Variants in NRAP observed in about 807,000 individuals in gnomAD.
NRAP encodes the protein nebulin related anchoring protein, also known as nebulin-related-anchoring protein.
NRAP carries 189 observed loss-of-function variants against 225.9 expected under a neutral mutation model. That is an observed-to-expected ratio of 0.84 (90% CI 0.74 to 0.94). The LOEUF is 0.94. Among genes scored for constraint, NRAP ranks in the 40% least tolerant of loss-of-function variants. NRAP has a pLI of 0.00. For missense variants in NRAP, 2,176 were observed against 2,168.7 expected (o/e 1.00, Z -0.07); for synonymous variants, 769 against 790.7 (o/e 0.97, Z 0.46).
rs375334443 is a variant in NRAP at position 113,595,894 on chromosome 10, G to A, written c.4432-167C>T. 1.4e-4 allele frequency among the ~76,000 whole-genome samples: 21 copies of A among 152,268 alleles called. No individual in the cohort carries two copies. The East Asian group carries it at 1.5e-3, about 11-fold the overall frequency. On this transcript the variant is annotated intron_variant, in intron 37 of 41. Transcript: ENST00000359988. ...TCCCTCCAGAACCCACAATTTGATGGAAGATGCCTTTATAGCCAGGGTCAG... is the reference window on the plus strand; with the variant it reads ...TCCCTCCAGAACCCACAATTTGATGAAAGATGCCTTTATAGCCAGGGTCAG...
At chr10:113,610,337 G>C in intron 31 of NRAP, 122 bp downstream of exon 31, 2 of 551,452 alleles carry the variant, frequency 3.6e-6, no homozygotes, top group Admixed American at 3.1e-5. Flanking sequence ...GTGACAGAGC[G>C]AGACTCCATC....
intron 9 of NRAP, among the ~76,000 whole-genome samples, chr10:113,648,586 G>T (rs941091644): frequency 2.0e-5 from 3 of 151,572 alleles, no homozygotes; most frequent in African/African-American, 7.3e-5. Context: ...AAAGAAGAAT[G>T]AATTGGTTGG....
At chr10:113,590,433 T>C in intron 40 of NRAP, 145 bp downstream of exon 40, 1 of 722,168 alleles carries the variant, frequency 1.4e-6, no homozygotes, top group East Asian at 2.7e-5. Context: ...ATTGTTATTC[T>C]TTCTGGCACT....
At chr10:113,650,630 C>G (rs1284588083) in intron 7 of NRAP, 85 bp from the exon 8 acceptor site, 1 of 889,108 alleles carries the variant, frequency 1.1e-6, no homozygotes. Flanking sequence ...TCCATGACAT[C>G]CTGCCCATCT....
chr10:113,642,487 C>T (rs1002322153), intron 12 of NRAP, among the ~76,000 whole-genome samples: 2 of 152,044 alleles, frequency 1.3e-5, no homozygotes, highest in Admixed American at 6.6e-5. Context: ...TCCAAATTTG[C>T]GAATGCCCCT....
At chr10:113,598,139 G>T in intron 35 of NRAP, 66 bp from the exon 36 acceptor site, 1 of 948,446 alleles carries the variant, frequency 1.1e-6, no homozygotes, top group Non-Finnish European at 1.7e-6. Context: ...ATTTCAAGAA[G>T]ATCCTTGATT....
At chr10:113,645,251 T>C (rs1385153236) in intron 11 of NRAP, among the ~76,000 whole-genome samples, 1 of 152,198 alleles carries the variant, frequency 6.6e-6, no homozygotes, top group Admixed American at 6.5e-5. Flanking sequence ...GCCTGGCACT[T>C]TTGAATATTG....
intron 30 of NRAP, among the ~76,000 whole-genome samples, chr10:113,611,066 ATG>A (rs1163030088): frequency 6.6e-6 from 1 of 152,178 alleles, no homozygotes; most frequent in African/African-American, 2.4e-5. Context: ...GTGTACCTGA[ATG>A]ATTCGGGCTG....
chr10:113,620,890 T>G (rs1356565631), intron 24 of NRAP, among the ~76,000 whole-genome samples, 182 bp from the exon 25 acceptor site: 1 of 152,176 alleles, frequency 6.6e-6, no homozygotes, highest in African/African-American at 2.4e-5. Flanking sequence ...AATTCCCCCT[T>G]TAATTGGAGC....
intron 11 of NRAP, among the ~76,000 whole-genome samples, chr10:113,643,716 C>T (rs532294782): frequency 6.6e-6 from 1 of 152,274 alleles, no homozygotes; most frequent in East Asian, 1.9e-4. Flanking sequence ...GGCCAACTAC[C>T]ACCAATAGAT....
chr10:113,641,304 G>T, intron 13 of NRAP, 61 bp downstream of exon 13: 7 of 970,760 alleles, frequency 7.2e-6, no homozygotes, highest in Non-Finnish European at 1.1e-5. Context: ...AAAAGAATTG[G>T]CTGAATTCTT....
At chr10:113,617,657 C>T in intron 25 of NRAP, 104 bp from the exon 26 acceptor site, 2 of 748,332 alleles carry the variant, frequency 2.7e-6, no homozygotes, top group South Asian at 1.5e-5. Flanking sequence ...AATTTGTGAA[C>T]ACAATTATTA....
chr10:113,643,534 G>T (rs138270628), intron 11 of NRAP, among the ~76,000 whole-genome samples: 70 of 152,284 alleles, frequency 4.6e-4, no homozygotes, highest in African/African-American at 1.6e-3. Context: ...ATTCAACGAG[G>T]AAAGTTACTT....
Position 113,640,321 on chromosome 10 carries a change from T to G in NRAP, c.1334A>C (p.Lys445Thr). The change falls in exon 14 of 42, where the codon AAA (lysine) becomes ACA (threonine). Residue 445 changes from lysine to threonine, a missense_variant. Around this residue, in one of 3 missense-constraint regions of NRAP, gnomAD observed 1,708 missense variants for 1,695.5 expected, o/e 1.01. Transcript: ENST00000359988. ...GACAATATCATGTTTATAATCAGCT[T>G]TGTAGGCAACCTAAAACAGGAAGAA... Reference protein sequence around the residue: ...VGSLASNVAYKADYKHDIVDY... With the variant: ...VGSLASNVAYTADYKHDIVDY... The G allele has an allele frequency of 6.4e-7, 1 of 1,573,758 alleles. No individual in the cohort carries two copies. Among genetic ancestry groups the G allele is most frequent in the Non-Finnish European group, 8.6e-7 (1 of 1,157,194 alleles).
At chr10:113,606,916 C>G (rs1261160728) in intron 32 of NRAP, among the ~76,000 whole-genome samples, 1 of 151,790 alleles carries the variant, frequency 6.6e-6, no homozygotes, top group South Asian at 2.1e-4. Flanking sequence ...AAATACAAAA[C>G]TTAGGGCCAG....
intron 38 of NRAP, among the ~76,000 whole-genome samples, chr10:113,594,908 A>G (rs887032818): frequency 2.0e-5 from 3 of 152,228 alleles, no homozygotes; most frequent in African/African-American, 7.2e-5. Context: ...ACGCTGCCCC[A>G]GGCCAACACA....
At chr10:113,589,537 T>G in intron 41 of NRAP, 129 bp downstream of exon 41, 10 of 1,136,134 alleles carry the variant, frequency 8.8e-6, no homozygotes, top group South Asian at 1.5e-5. Context: ...GCGCCTTGTT[T>G]GAGCTGCGTT....
In NRAP at chr10:113,610,522, T is replaced by G; in HGVS notation, c.3540A>C (p.Ala1180=). Residue 1180 remains alanine, a synonymous_variant, in exon 31 of 42, where the codon GCA becomes GCC. Coordinates refer to ENST00000359988, the MANE Select transcript of NRAP (RefSeq NM_198060.4). ...TCTCTAACGTGCCTGGAATGACACATGCAACACCTCGCATAAAGTTCAGGT... is the reference window on the plus strand; with the variant it reads ...TCTCTAACGTGCCTGGAATGACACAGGCAACACCTCGCATAAAGTTCAGGT... ...RSDLNFMRGV[A]CVIPGTLEIE... 1 of 1,604,380 alleles carries G rather than the reference T, an allele frequency of 6.2e-7. No homozygotes were observed. The highest frequency in any genetic ancestry group is 1.1e-5 in the South Asian group (1 of 90,932).
intron 31 of NRAP, among the ~76,000 whole-genome samples, chr10:113,609,763 G>C (rs1847212542): frequency 6.6e-6 from 1 of 152,134 alleles, no homozygotes; most frequent in Non-Finnish European, 1.5e-5. Flanking sequence ...CAGCAAATCA[G>C]TGCTGGCCTG....
Sources: allele counts gnomAD v4.1 joint callset (sites outside exome capture counted in the v4.1 genomes callset), GRCh38; gene constraint gnomAD v4.1.1; regional missense constraint gnomAD v4.1.1; transcripts MANE v1.5; gene names NCBI Gene and HGNC (gene_info 2026-07-23, HGNC 2026-07-21).